BBS4: variants seen among roughly 807,000 people sequenced by gnomAD.
The protein encoded by BBS4 is BBSome complex member BBS4.
In BBS4, 58 loss-of-function variants were observed where a neutral mutation model predicts 71.4. The ratio of observed to expected loss-of-function variants is 0.81; its 90% CI spans 0.66 to 1.01. The LOEUF (loss-of-function observed/expected upper bound fraction) is 1.01. BBS4 is among the 50% of genes least tolerant of loss of function. BBS4 has a pLI of 0.00. For synonymous variants in BBS4, 228 were observed against 216.8 expected, an observed-to-expected ratio of 1.05 and a Z score of -0.46; for missense variants, 660 against 607.9, an observed-to-expected ratio of 1.09 and a Z score of -0.90.
chr15:72,722,040 A>G (rs1278946987), intron 6 of BBS4, among the ~76,000 whole-genome samples: 4 of 152,200 alleles, frequency 2.6e-5, no homozygotes, highest in Non-Finnish European at 4.4e-5. Flanking sequence ...GTTAATAAAT[A>G]TTTTAATTTG....
At chr15:72,730,400 C>A (rs1291217976) in intron 10 of BBS4, among the ~76,000 whole-genome samples, 3 of 152,066 alleles carry the variant, frequency 2.0e-5, no homozygotes, top group African/African-American at 7.2e-5. Context: ...AGTTCAAGAC[C>A]AGGCTGGGCC....
intron 2 of BBS4, among the ~76,000 whole-genome samples, chr15:72,702,838 C>G (rs1168377353): frequency 1.1e-5 from 1 of 89,496 alleles, no homozygotes; most frequent in Non-Finnish European, 2.1e-5. Context: ...GACGGAGTCT[C>G]GCTCTGTCGC....
chr15:72,715,120 T>G (rs2065444575), intron 4 of BBS4, among the ~76,000 whole-genome samples, 171 bp from the exon 5 acceptor site: 1 of 152,296 alleles, frequency 6.6e-6, no homozygotes, highest in East Asian at 1.9e-4. Context: ...CAGTTTTGGT[T>G]GTTGTTTCAG....
intron 2 of BBS4, among the ~76,000 whole-genome samples, chr15:72,708,113 C>T (rs2065297925): frequency 6.6e-6 from 1 of 151,920 alleles, no homozygotes; most frequent in Non-Finnish European, 1.5e-5. Context: ...ACTATTGGTG[C>T]GGGTTACCAC....
intron 5 of BBS4, 151 bp from the exon 6 acceptor site, chr15:72,716,627 C>T (rs2065472372): frequency 1.5e-6 from 1 of 654,280 alleles, no homozygotes; most frequent in Non-Finnish European, 2.7e-6. Flanking sequence ...TAGTGTATAG[C>T]AGCTTCACTG....
intron 6 of BBS4, among the ~76,000 whole-genome samples, chr15:72,717,887 T>C (rs995055033): frequency 1.1e-4 from 16 of 152,090 alleles, no homozygotes; most frequent in East Asian, 5.8e-4. Context: ...CTCACTCTGT[T>C]GCCCAGGCTG....
chr15:72,713,197 C>CT (rs933841437), intron 4 of BBS4, among the ~76,000 whole-genome samples: 3 of 151,922 alleles, frequency 2.0e-5, no homozygotes, highest in Non-Finnish European at 4.4e-5. Context: ...TACTTTTAAA[C>CT]TTTTTTGTTA....
chr15:72,690,053 G>T (rs1005567726), intron 1 of BBS4, among the ~76,000 whole-genome samples: 1 of 151,908 alleles, frequency 6.6e-6, no homozygotes, highest in African/African-American at 2.4e-5. Context: ...CTTGTGATCC[G>T]CCCGACTCAG....
intron 4 of BBS4, among the ~76,000 whole-genome samples, chr15:72,714,446 G>A (rs1031397924): frequency 3.9e-5 from 6 of 151,992 alleles, no homozygotes; most frequent in African/African-American, 1.2e-4. Flanking sequence ...GGCTGGTCTC[G>A]AACTCCTGAC....
At chr15:72,716,901 C>A in intron 6 of BBS4, 51 bp downstream of exon 6, 2 of 1,269,426 alleles carry the variant, frequency 1.6e-6, no homozygotes, top group Non-Finnish European at 2.3e-6. Context: ...GCTAATGGTT[C>A]CATTTATCAT....
intron 8 of BBS4, among the ~76,000 whole-genome samples, chr15:72,725,057 T>TAGAG (rs71137311): frequency 0.2 from 24,960 of 127,242 alleles, 2,866 homozygotes; most frequent in Middle Eastern, 0.26. Flanking sequence ...TATATATATA[T>TAGAG]AGAGAGAGAG....
At chr15:72,693,333 A>G (rs571694458) in intron 1 of BBS4, among the ~76,000 whole-genome samples, 1 of 152,342 alleles carries the variant, frequency 6.6e-6, no homozygotes, top group South Asian at 2.1e-4. Context: ...TATTTTCATT[A>G]AAAGTTTATT....
rs140338176 is a variant in BBS4, at chr15:72,700,181, G to A, written c.76+4953G>A. On this transcript the variant is annotated intron_variant, in intron 2 of 15. Coordinates refer to ENST00000268057, the MANE Select transcript of BBS4 (RefSeq NM_033028.5). ...TCTTGAATTCCTTACCTCATGATCC[G>A]CCCGCCTCAGCCTCCCATAGTGCTG... is the stretch of plus-strand genomic sequence containing the variant. Among the ~76,000 whole-genome samples, 1,367 of 152,040 alleles carry A rather than the reference G, an allele frequency of 9.0e-3. 15 individuals carry two copies. Among genetic ancestry groups the A allele is most frequent in the African/African-American group, 0.031 (1,286 of 41,490 alleles).
intron 6 of BBS4, 55 bp from the exon 7 acceptor site, chr15:72,722,739 A>G (rs1369557130): frequency 6.6e-7 from 1 of 1,506,012 alleles, no homozygotes; most frequent in Non-Finnish European, 9.2e-7. Flanking sequence ...GTTTCACTCT[A>G]ATACTTACTG....
Position 72,738,297 on chromosome 15 carries a change from A to G in BBS4, c.*710A>G, listed in dbSNP as rs2065967897. Reference sequence around the variant, plus strand: ...ACCAACGATTTTAAAGAAAAAAGGAAGAGTTTCTTAGATGAGTAATTGTTA... The same window carrying G: ...ACCAACGATTTTAAAGAAAAAAGGAGGAGTTTCTTAGATGAGTAATTGTTA... On this transcript the variant is annotated 3_prime_UTR_variant, in exon 16 of 16. Transcript: ENST00000268057. The G allele has an allele frequency of 4.4e-6, 2 of 453,970 alleles. No homozygotes were observed. The highest frequency in any genetic ancestry group is 8.8e-6 in the Non-Finnish European group (2 of 226,782). The allele number at this position is 453,970 out of a possible 1,614,324, so 28.1% of individuals were successfully genotyped here.
In BBS4 at chr15:72,736,871, G is replaced by A; in HGVS notation, c.1358G>A (p.Ser453Asn). The A allele has an allele frequency of 6.2e-7, 1 of 1,614,200 alleles. No homozygotes were observed. Among genetic ancestry groups the A allele is most frequent in the Non-Finnish European group, 8.5e-7 (1 of 1,180,030 alleles). Reference sequence around the variant, plus strand: ...TCAAAGCACCAGACCACTTCAACCAGCAAACCTGCCAGTTTCCAGCAGCCT... The same window carrying A: ...TCAAAGCACCAGACCACTTCAACCAACAAACCTGCCAGTTTCCAGCAGCCT... The part of the protein sequence containing the change: ...PKSKHQTTST[S>N]KPASFQQPLG... The change falls in exon 15 of 16, where the codon AGC becomes AAC. Residue 453 changes from serine (S) to asparagine (N), a missense_variant. Ser to Asn is a conservative substitution (Grantham distance 46). Coordinates refer to ENST00000268057, the MANE Select transcript of BBS4 (RefSeq NM_033028.5).
chr15:72,720,120 A>C (rs933989737), intron 6 of BBS4, among the ~76,000 whole-genome samples: 4 of 150,500 alleles, frequency 2.7e-5, no homozygotes, highest in Non-Finnish European at 4.4e-5. Flanking sequence ...AGAATATTTT[A>C]ATGATTTTGA....
At chr15:72,686,574 A>G (rs963491973) in intron 1 of BBS4, 3 of 1,427,082 alleles carry the variant, frequency 2.1e-6, no homozygotes, top group Non-Finnish European at 1.9e-6. Context: ...GGTAATGACT[A>G]GCACTTGTGT....
chr15:72,725,051 T>TAG (rs1330297980), intron 8 of BBS4, among the ~76,000 whole-genome samples: 50 of 101,178 alleles, frequency 4.9e-4, no homozygotes, highest in African/African-American at 1.4e-3. Flanking sequence ...TATATATATA[T>TAG]ATATATAGAG....
Sources: gnomAD v4.1 joint callset for allele counts (sites outside exome capture counted in the v4.1 genomes callset) on GRCh38, gnomAD v4.1.1 for gene constraint, MANE v1.5 for transcripts, NCBI Gene and HGNC (gene_info 2026-07-23, HGNC 2026-07-21) for gene names.